Variants in ZSWIM6 observed in about 807,000 individuals in gnomAD.
ZSWIM6 encodes the protein zinc finger SWIM domain-containing protein 6.
ZSWIM6 carries 9 observed loss-of-function variants against 113.2 expected under a neutral mutation model. The observed-to-expected ratio is 0.08, with a 90% CI of 0.05 to 0.14. The LOEUF (loss-of-function observed/expected upper bound fraction) is 0.14, where lower values mean the gene tolerates loss of function less well. ZSWIM6 is among the 10% of genes least tolerant of loss of function. ZSWIM6 has a pLI of 1.00. For synonymous variants in ZSWIM6, 611 were observed against 606.5 expected, an observed-to-expected ratio of 1.01 and a Z score of -0.11; for missense variants, 1,162 against 1,552.2, an observed-to-expected ratio of 0.75 and a Z score of 4.22.
chr5:61,483,878 A>AAAAT (rs921498998), intron 2 of ZSWIM6, among the ~76,000 whole-genome samples: 53 of 151,050 alleles, frequency 3.5e-4, no homozygotes, highest in East Asian at 1.4e-3. Context: ...CTCTGTCTCA[A>AAAAT]AAATAAATAA....
intron 1 of ZSWIM6, among the ~76,000 whole-genome samples, chr5:61,410,318 T>C (rs1192120554): frequency 6.6e-6 from 1 of 150,824 alleles, no homozygotes; most frequent in African/African-American, 2.4e-5. Flanking sequence ...CCTTTTTTTT[T>C]TTTTTTTTTT....
chr5:61,430,704 A>G (rs551334118), intron 1 of ZSWIM6, among the ~76,000 whole-genome samples: 82 of 152,324 alleles, frequency 5.4e-4, no homozygotes, highest in African/African-American at 2.0e-3. Context: ...ATAGTGAGGC[A>G]TGATTGTATT....
At chr5:61,403,704 G>A (rs1043808243) in intron 1 of ZSWIM6, among the ~76,000 whole-genome samples, 2 of 152,176 alleles carry the variant, frequency 1.3e-5, no homozygotes, top group Non-Finnish European at 2.9e-5. Flanking sequence ...TTCTGGAATC[G>A]TACAAAATAA....
chr5:61,508,180 A>G (rs1488501586), intron 4 of ZSWIM6, among the ~76,000 whole-genome samples: 1 of 152,208 alleles, frequency 6.6e-6, no homozygotes, highest in Non-Finnish European at 1.5e-5. Flanking sequence ...AATAAATGGC[A>G]GCAATTATTG....
At chr5:61,519,015 A>C (rs1237075277) in intron 4 of ZSWIM6, among the ~76,000 whole-genome samples, 2 of 152,114 alleles carry the variant, frequency 1.3e-5, no homozygotes, top group South Asian at 2.1e-4. Flanking sequence ...ATGGCTAGCC[A>C]GTTTTCCCAG....
intron 1 of ZSWIM6, among the ~76,000 whole-genome samples, chr5:61,448,056 C>G (rs1380852124): frequency 6.6e-6 from 1 of 152,136 alleles, no homozygotes; most frequent in Non-Finnish European, 1.5e-5. Flanking sequence ...TTGAGACTTT[C>G]TGGGAGACCT....
chr5:61,339,739 C>T (rs914035995), intron 1 of ZSWIM6, among the ~76,000 whole-genome samples: 1 of 152,086 alleles, frequency 6.6e-6, no homozygotes, highest in Admixed American at 6.5e-5. Flanking sequence ...CAGTATGAAA[C>T]CCACAAAACC....
At chr5:61,508,141 A>C (rs1426013742) in intron 4 of ZSWIM6, among the ~76,000 whole-genome samples, 1 of 152,208 alleles carries the variant, frequency 6.6e-6, no homozygotes, top group Non-Finnish European at 1.5e-5. Flanking sequence ...TAAAGCATTC[A>C]GTACAGGGTT....
intron 1 of ZSWIM6, among the ~76,000 whole-genome samples, chr5:61,394,060 G>C (rs944260097): frequency 1.3e-5 from 2 of 152,092 alleles, no homozygotes; most frequent in African/African-American, 4.8e-5. Context: ...TTAGTTTGGG[G>C]AATATTTATA....
intron 4 of ZSWIM6, among the ~76,000 whole-genome samples, chr5:61,510,708 A>G (rs1580052523): frequency 6.6e-6 from 1 of 152,148 alleles, no homozygotes; most frequent in South Asian, 2.1e-4. Flanking sequence ...AATAGCCTTT[A>G]TGTGCTTTGA....
rs527678945 is a variant in ZSWIM6, at chr5:61,542,797, G to A, written c.2786-658G>A. Reference sequence around the variant, plus strand: ...TTAAGAACTGCCACACAACTTCTTTGCCCCTGCCCCAACATATAAACCTGA... The same window carrying A: ...TTAAGAACTGCCACACAACTTCTTTACCCCTGCCCCAACATATAAACCTGA... On this transcript the variant is annotated intron_variant, in intron 13 of 13. Transcript: ENST00000252744. 6.6e-5 allele frequency among the ~76,000 whole-genome samples: 10 copies of A among 152,210 alleles called. No individual in the cohort carries two copies. In the South Asian group the frequency reaches 2.1e-3, roughly 32 times the overall value.
intron 3 of ZSWIM6, among the ~76,000 whole-genome samples, chr5:61,493,364 G>T (rs558880869): frequency 5.3e-5 from 8 of 152,192 alleles, no homozygotes; most frequent in Admixed American, 2.0e-4. Context: ...TGAAGGACTT[G>T]CACAACTGCG....
chr5:61,439,445 G>T (rs1561237864), intron 1 of ZSWIM6, among the ~76,000 whole-genome samples: 1 of 152,260 alleles, frequency 6.6e-6, no homozygotes, highest in East Asian at 1.9e-4. Flanking sequence ...AAGCTAAAAG[G>T]CTGCTTTTTA....
intron 1 of ZSWIM6, among the ~76,000 whole-genome samples, chr5:61,458,870 T>C (rs569508481): frequency 2.4e-4 from 35 of 146,962 alleles, no homozygotes; most frequent in African/African-American, 8.9e-4. Flanking sequence ...AGAGCGAGAT[T>C]CCTTCTCAAA....
intron 1 of ZSWIM6, chr5:61,391,393 A>G: frequency 1.1e-6 from 1 of 877,836 alleles, no homozygotes; most frequent in Non-Finnish European, 2.0e-6. Flanking sequence ...AATGATGCAG[A>G]TGACTTGGCG....
At chr5:61,373,671 G>A (rs1490059874) in intron 1 of ZSWIM6, among the ~76,000 whole-genome samples, 1 of 151,782 alleles carries the variant, frequency 6.6e-6, no homozygotes, top group Non-Finnish European at 1.5e-5. Flanking sequence ...ATCTTTTCTT[G>A]CTTAAAATCT....
intron 1 of ZSWIM6, chr5:61,391,774 G>C (rs937647748): frequency 4.8e-5 from 48 of 1,008,570 alleles, no homozygotes; most frequent in Non-Finnish European, 7.1e-5. Flanking sequence ...GTCATCCTTA[G>C]GAAAGCTCTT....
At chr5:61,527,233 C>T (rs1420847711) in intron 7 of ZSWIM6, among the ~76,000 whole-genome samples, 1 of 152,056 alleles carries the variant, frequency 6.6e-6, no homozygotes, top group Non-Finnish European at 1.5e-5. Context: ...ACATCTTGTT[C>T]CTTCTATAGG....
chr5:61,390,550 A>G (rs1745685926), intron 1 of ZSWIM6: 1 of 502,472 alleles, frequency 2.0e-6, no homozygotes, highest in Non-Finnish European at 3.7e-6. Flanking sequence ...GAGAGCCTAC[A>G]AAAGTTAAAA....
Sources: gnomAD v4.1 joint callset for allele counts (sites outside exome capture counted in the v4.1 genomes callset) on GRCh38, gnomAD v4.1.1 for gene constraint, MANE v1.5 for transcripts, NCBI Gene and HGNC (gene_info 2026-07-23, HGNC 2026-07-21) for gene names.